The following DST variants were observed in gnomAD, a reference collection of about 807,000 sequenced individuals.
The protein encoded by DST is dystonin, also known as bullous pemphigoid antigen.
In DST, 253 loss-of-function variants were observed where a neutral mutation model predicts 875.2. The ratio of observed to expected loss-of-function variants is 0.29; its 90% CI spans 0.26 to 0.32. The LOEUF is 0.32. DST is among the 10% of genes least tolerant of loss of function. DST has a pLI of 1.00. For missense variants in DST, 8,287 were observed against 9,111.6 expected (o/e 0.91, Z 3.68); for synonymous variants, 3,124 against 3,197.1 (o/e 0.98, Z 0.77).
At chr6:56,610,383 C>T (rs2098534778) in intron 39 of DST, 44 bp downstream of exon 39, 1 of 1,456,942 alleles carries the variant, frequency 6.9e-7, no homozygotes, top group African/African-American at 1.4e-5. Flanking sequence ...TGCAATCAAA[C>T]TAAGCTTCTT....
intron 22 of DST, among the ~76,000 whole-genome samples, chr6:56,637,803 C>G (rs903581578): frequency 1.6e-4 from 25 of 151,970 alleles, no homozygotes; most frequent in African/African-American, 4.6e-4. Flanking sequence ...TTTAAGTAAG[C>G]CTGTCATTTT....
chr6:56,634,232 A>C lies in DST; in HGVS notation c.3521T>G (p.Leu1174Arg). Residue 1174 changes from leucine (L) to arginine (R), a missense_variant, in exon 27 of 104, where the codon CTG becomes CGG. Leu to Arg is a moderately radical substitution (Grantham distance 102). Transcript: ENST00000680361. ...TATGTGAGACTCATGCCAAAGAGTC[A>C]GGACATTCTGATACTGTTGCTCAAT... ...NRIEQQYQNV[L>R]TLWHESHINM... 6.2e-7 allele frequency: 1 copy of C among 1,613,822 alleles called. No homozygotes were observed. Among genetic ancestry groups the C allele is most frequent in the African/African-American group, 1.3e-5 (1 of 75,056 alleles).
chr6:56,621,268 T>C (rs2098688669), intron 36 of DST, among the ~76,000 whole-genome samples: 1 of 152,188 alleles, frequency 6.6e-6, no homozygotes, highest in Admixed American at 6.5e-5. Context: ...CACAGAACTT[T>C]AGAACAGAGA....
At chr6:56,737,582 C>T (rs1409972818) in intron 4 of DST, among the ~76,000 whole-genome samples, 1 of 152,166 alleles carries the variant, frequency 6.6e-6, no homozygotes, top group East Asian at 1.9e-4. Context: ...AGAAATAGAA[C>T]ATTCTAATCA....
At chr6:56,736,712 A>AT (rs1300371413) in intron 4 of DST, among the ~76,000 whole-genome samples, 1 of 152,248 alleles carries the variant, frequency 6.6e-6, no homozygotes, top group Non-Finnish European at 1.5e-5. Context: ...TATTAAAAGT[A>AT]TTTATGTTCT....
At position 56,917,002 on chromosome 6, in the gene DST, A is replaced by AC. The variant is rs1562394898; in HGVS notation, c.217-16382_217-16381insG. Among the ~76,000 whole-genome samples the AC allele has an allele frequency of 1.8e-3, 254 of 140,612 alleles. 2 individuals are homozygous for AC. In the East Asian group the frequency reaches 0.026, roughly 15 times the overall value. 92.2% of individuals were successfully genotyped at this position (140,612 alleles called of 152,430 possible). On this transcript the variant is annotated intron_variant, in intron 2 of 103. Transcript: ENST00000680361. ...CCAGGCATGCTAAAAAAAAAAAAAAAAAAAAAAAAAAAAAAGACAGGCAGA... is the reference window on the plus strand; with the variant it reads ...CCAGGCATGCTAAAAAAAAAAAAAAACAAAAAAAAAAAAAAAGACAGGCAGA...
At chr6:56,610,357 T>TA in intron 39 of DST, 70 bp downstream of exon 39, 1 of 1,190,138 alleles carries the variant, frequency 8.4e-7, no homozygotes, top group Non-Finnish European at 1.2e-6. Flanking sequence ...ATTATTGACA[T>TA]AGATTTCCAG....
chr6:56,465,015 AT>A (rs1363424719), intron 99 of DST, among the ~76,000 whole-genome samples: 3 of 152,246 alleles, frequency 2.0e-5, no homozygotes, highest in African/African-American at 4.8e-5. Context: ...TTCTTCATAA[AT>A]GGAGTTGCAT....
At chr6:56,675,274 T>A (rs1190735810) in intron 9 of DST, among the ~76,000 whole-genome samples, 1 of 152,160 alleles carries the variant, frequency 6.6e-6, no homozygotes, top group Non-Finnish European at 1.5e-5. Flanking sequence ...GATTAAAGAC[T>A]TACACGTAAG....
chr6:56,790,845 C>T (rs1399002994), intron 4 of DST, among the ~76,000 whole-genome samples: 1 of 152,180 alleles, frequency 6.6e-6, no homozygotes, highest in African/African-American at 2.4e-5. Flanking sequence ...GAAAGCTTTC[C>T]GTTGTTTTGA....
chr6:56,598,736 T>A, intron 45 of DST, 27 bp from the exon 46 acceptor site: 1 of 1,359,434 alleles, frequency 7.4e-7, no homozygotes, highest in Non-Finnish European at 1.0e-6. Context: ...AAAAAATATA[T>A]TTTATTAAAT....
chr6:56,737,631 A>T (rs1478236420), intron 4 of DST, among the ~76,000 whole-genome samples: 1 of 152,220 alleles, frequency 6.6e-6, no homozygotes, highest in Non-Finnish European at 1.5e-5. Flanking sequence ...CTCTAGAACA[A>T]AGCTCTACTG....
intron 4 of DST, among the ~76,000 whole-genome samples, chr6:56,746,504 A>C (rs2099572890): frequency 6.6e-6 from 1 of 152,226 alleles, no homozygotes; most frequent in South Asian, 2.1e-4. Context: ...TATCCTATAA[A>C]ATTTTAATAA....
intron 8 of DST, among the ~76,000 whole-genome samples, chr6:56,699,974 G>A (rs1019871386): frequency 1.3e-5 from 2 of 152,202 alleles, no homozygotes; most frequent in African/African-American, 4.8e-5. Context: ...GTCTTCCACA[G>A]CAGGGATCCC....
At chr6:56,788,580 A>C (rs1199388455) in intron 4 of DST, among the ~76,000 whole-genome samples, 1 of 152,252 alleles carries the variant, frequency 6.6e-6, no homozygotes, top group Non-Finnish European at 1.5e-5. Context: ...TAAAAATAGC[A>C]CAAGAGAAAT....
At chr6:56,916,212 T>C (rs184223600) in intron 2 of DST, among the ~76,000 whole-genome samples, 39 of 152,208 alleles carry the variant, frequency 2.6e-4, no homozygotes, top group Admixed American at 1.5e-3. Context: ...AGAAGAGCCA[T>C]AGGACACTAG....
At chr6:56,908,316 T>C (rs1049660739) in intron 2 of DST, among the ~76,000 whole-genome samples, 7 of 152,008 alleles carry the variant, frequency 4.6e-5, no homozygotes, top group Non-Finnish European at 8.8e-5. Flanking sequence ...TGGATAAAAT[T>C]TGAGAGAGAT....
chr6:56,703,909 G>T (rs2099322097), intron 6 of DST, among the ~76,000 whole-genome samples, 163 bp from the exon 7 acceptor site: 2 of 150,508 alleles, frequency 1.3e-5, no homozygotes, highest in South Asian at 2.1e-4. Flanking sequence ...GAATGGGTTA[G>T]ATCATTTTTC....
intron 53 of DST, among the ~76,000 whole-genome samples, chr6:56,571,516 CG>C (rs2097781380): frequency 6.6e-6 from 1 of 152,116 alleles, no homozygotes; most frequent in Non-Finnish European, 1.5e-5. Context: ...TAGCAAAATC[CG>C]ATGTATATTC....
Sources: allele counts gnomAD v4.1 joint callset (sites outside exome capture counted in the v4.1 genomes callset), GRCh38; gene constraint gnomAD v4.1.1; transcripts MANE v1.5; gene names NCBI Gene and HGNC (gene_info 2026-07-23, HGNC 2026-07-21).